CDC42SE2: variants seen among roughly 807,000 people sequenced by gnomAD.
The protein encoded by CDC42SE2 is CDC42 small effector 2.
Under a neutral mutation model 11.5 loss-of-function variants are expected in CDC42SE2, and 3 were observed. The observed-to-expected ratio is 0.26, with a 90% CI of 0.12 to 0.67. The LOEUF (loss-of-function observed/expected upper bound fraction) is 0.67. Among genes scored for constraint, CDC42SE2 ranks in the 30% least tolerant of loss-of-function variants. The pLI, the probability that CDC42SE2 is intolerant of heterozygous loss-of-function variation, is 0.80. For missense variants in CDC42SE2, 82 were observed against 106.8 expected, an observed-to-expected ratio of 0.77 and a Z score of 1.02; for synonymous variants, 33 against 34.8, an observed-to-expected ratio of 0.95 and a Z score of 0.18.
At chr5:131,215,649 T>A in the CDC42SE2 span, among the ~76,000 whole-genome samples, 10 of 152,226 alleles carry the variant, frequency 6.6e-5, no homozygotes, top group Non-Finnish European at 1.5e-4. Flanking sequence ...AATTCTGTGT[T>A]GTCTGAGAAC....
At chr5:131,339,108 C>CCTA (rs1561590323) in intron 2 of CDC42SE2, among the ~76,000 whole-genome samples, 1 of 151,516 alleles carries the variant, frequency 6.6e-6, no homozygotes, top group Non-Finnish European at 1.5e-5. Flanking sequence ...ATTAGCTGGG[C>CCTA]GTAGTGGTGC....
intron 1 of CDC42SE2, among the ~76,000 whole-genome samples, chr5:131,314,303 C>T (rs1357619449): frequency 1.3e-5 from 2 of 150,736 alleles, no homozygotes; most frequent in Admixed American, 6.6e-5. Flanking sequence ...ACAATCATAG[C>T]TCACTGTAAC....
At chr5:131,359,712 G>GTTT in intron 3 of CDC42SE2, among the ~76,000 whole-genome samples, 165 bp downstream of exon 3, 1 of 152,292 alleles carries the variant, frequency 6.6e-6, no homozygotes, top group African/African-American at 2.4e-5. Flanking sequence ...AAGAAATAAT[G>GTTT]TTTTTAAAGT....
chr5:131,308,723 C>T (rs886226710), intron 1 of CDC42SE2, among the ~76,000 whole-genome samples: 3 of 147,110 alleles, frequency 2.0e-5, no homozygotes, highest in Admixed American at 6.8e-5. Context: ...AATGGGAGTT[C>T]ACTCATGATT....
chr5:131,366,394 T>G (rs927866673), intron 3 of CDC42SE2, among the ~76,000 whole-genome samples: 1 of 152,094 alleles, frequency 6.6e-6, no homozygotes, highest in Non-Finnish European at 1.5e-5. Context: ...TCGGCGTGAG[T>G]TCAAGATGGG....
At chr5:131,388,042 G>C (rs1750540562) in intron 4 of CDC42SE2, among the ~76,000 whole-genome samples, 2 of 152,070 alleles carry the variant, frequency 1.3e-5, no homozygotes, top group African/African-American at 4.8e-5. Flanking sequence ...CTGTCACCCA[G>C]GCTGGAGTGC....
At chr5:131,340,687 CT>C (rs34401592) in intron 2 of CDC42SE2, among the ~76,000 whole-genome samples, 63,045 of 146,410 alleles carry the variant, frequency 0.43, 17,069 homozygotes, top group African/African-American at 0.78. Context: ...GTTTGAGTAT[CT>C]TTTTTTTTTT....
intron 1 of CDC42SE2, among the ~76,000 whole-genome samples, chr5:131,277,381 A>G (rs1407924221): frequency 1.3e-5 from 2 of 152,222 alleles, no homozygotes; most frequent in Non-Finnish European, 2.9e-5. Flanking sequence ...AACTGAATAC[A>G]ATTAATAGGT....
In CDC42SE2 at chr5:131,332,681, G is replaced by C. The variant is rs1424652030; in HGVS notation, c.-286+16537G>C. On this transcript the variant is annotated intron_variant, in intron 2 of 4. Coordinates refer to ENST00000505065, the MANE Select transcript of CDC42SE2 (RefSeq NM_001375635.1). Reference sequence around the variant, plus strand: ...CATTCTAACTGGTGTGAGATGGTATGTCATTGTGGTTTTGATTTGCATTTT... The same window carrying C: ...CATTCTAACTGGTGTGAGATGGTATCTCATTGTGGTTTTGATTTGCATTTT... Among the ~76,000 whole-genome samples, 598 of 152,106 alleles carry C rather than the reference G, an allele frequency of 3.9e-3. 6 individuals are homozygous for C. The highest frequency in any genetic ancestry group is 0.014 in the African/African-American group (580 of 41,430).
the CDC42SE2 span, among the ~76,000 whole-genome samples, chr5:131,225,301 A>G: frequency 1.3e-5 from 2 of 152,168 alleles, no homozygotes; most frequent in Non-Finnish European, 2.9e-5. Flanking sequence ...AACTAACGGG[A>G]TTTCAGGCCT....
Position 131,392,300 on chromosome 5 carries a change from ATTTGTTTG to A in CDC42SE2, c.*1218_*1225del, listed in dbSNP as rs550237983. ...ACCCACAAGCACAATGATCATTTTTATTTGTTTGTTTGTTTGAAACTTCAGCAGAATAG... is the reference window on the plus strand; with the variant it reads ...ACCCACAAGCACAATGATCATTTTTATTTGTTTGAAACTTCAGCAGAATAG... On this transcript the variant is annotated 3_prime_UTR_variant, in exon 5 of 5. Coordinates refer to ENST00000505065, the MANE Select transcript of CDC42SE2 (RefSeq NM_001375635.1). 1 of 152,652 alleles carries A rather than the reference ATTTGTTTG, an allele frequency of 6.6e-6. No individual in the cohort carries two copies. 9.5% of individuals were successfully genotyped at this position (152,652 alleles called of 1,614,324 possible).
At chr5:131,221,249 C>T in the CDC42SE2 span, among the ~76,000 whole-genome samples, 1 of 152,026 alleles carries the variant, frequency 6.6e-6, no homozygotes, top group Non-Finnish European at 1.5e-5. Flanking sequence ...CTTTGAATAC[C>T]GCCCAACACA....
At chr5:131,323,770 G>A (rs1043962243) in intron 2 of CDC42SE2, among the ~76,000 whole-genome samples, 1 of 151,912 alleles carries the variant, frequency 6.6e-6, no homozygotes, top group Non-Finnish European at 1.5e-5. Context: ...TACATGAGAG[G>A]ATTTGATCTG....
the CDC42SE2 span, among the ~76,000 whole-genome samples, chr5:131,215,785 C>T: frequency 1.3e-3 from 205 of 152,264 alleles, 1 homozygote; most frequent in African/African-American, 4.7e-3. Context: ...CCAAGATGTT[C>T]ACTGTGTTAT....
At chr5:131,294,487 G>C (rs902043729) in intron 1 of CDC42SE2, among the ~76,000 whole-genome samples, 1 of 152,150 alleles carries the variant, frequency 6.6e-6, no homozygotes, top group African/African-American at 2.4e-5. Flanking sequence ...GAATGAAAGA[G>C]ACAAAAGTTC....
rs1272672322 is a variant in CDC42SE2 at position 131,394,271 on chromosome 5, T to C, written c.*3180T>C. On this transcript the variant is annotated 3_prime_UTR_variant, in exon 5 of 5. Transcript: ENST00000505065. The stretch of plus-strand genomic sequence containing the variant: ...CTGAAGACTTAGTCATGTGGATTGT[T>C]AGCAGTGATCTGCATTCTGTAAAAG... The C allele has an allele frequency of 2.6e-5, 4 of 152,376 alleles. No individual in the cohort carries two copies. The highest frequency in any genetic ancestry group is 5.9e-5 in the Non-Finnish European group (4 of 68,046). 9.4% of individuals were successfully genotyped at this position (152,376 alleles called of 1,614,324 possible).
At chr5:131,273,104 C>T (rs1376654670) in intron 1 of CDC42SE2, among the ~76,000 whole-genome samples, 2 of 151,214 alleles carry the variant, frequency 1.3e-5, no homozygotes, top group Non-Finnish European at 2.9e-5. Context: ...CCTGTGATCT[C>T]ATTCTGTCTA....
Position 131,351,247 on chromosome 5 carries a change from G to T in CDC42SE2, c.-285-7962G>T, listed in dbSNP as rs535090521. 9.9e-5 allele frequency among the ~76,000 whole-genome samples: 15 copies of T among 152,002 alleles called. No individual in the cohort carries two copies. In the South Asian group the frequency reaches 3.1e-3, roughly 32 times the overall value. On this transcript the variant is annotated intron_variant, in intron 2 of 4. Transcript: ENST00000505065. Reference sequence around the variant, plus strand: ...TTATAGGCGTGAACCACCAAGCTCAGCCCTGATTTTCCTTTTTTTTTTCCT... The same window carrying T: ...TTATAGGCGTGAACCACCAAGCTCATCCCTGATTTTCCTTTTTTTTTTCCT...
intron 1 of CDC42SE2, among the ~76,000 whole-genome samples, chr5:131,275,806 AT>A (rs1757088858): frequency 6.6e-6 from 1 of 150,496 alleles, no homozygotes; most frequent in Admixed American, 6.6e-5. Flanking sequence ...TTAGGGAGGG[AT>A]TTTTTTTAGT....
Sources: gnomAD v4.1 joint callset for allele counts (sites outside exome capture counted in the v4.1 genomes callset) on GRCh38, gnomAD v4.1.1 for gene constraint, MANE v1.5 for transcripts, NCBI Gene and HGNC (gene_info 2026-07-23, HGNC 2026-07-21) for gene names.